The following SAMD12 variants were observed in gnomAD, a reference collection of about 807,000 sequenced individuals.
The protein encoded by SAMD12 is sterile alpha motif domain-containing protein 12.
A neutral mutation model predicts 15.0 loss-of-function variants in SAMD12; 9 were observed. The ratio of observed to expected loss-of-function variants is 0.60; its 90% CI spans 0.36 to 1.05. The LOEUF (loss-of-function observed/expected upper bound fraction) is 1.05. SAMD12 is among the 50% of genes least tolerant of loss of function. SAMD12 has a pLI of 0.01. For synonymous variants in SAMD12, 86 were observed against 90.1 expected, an observed-to-expected ratio of 0.96 and a Z score of 0.25; for missense variants, 230 against 234.2, an observed-to-expected ratio of 0.98 and a Z score of 0.12.
At chr8:118,168,856 T>C in the SAMD12 span, among the ~76,000 whole-genome samples, 2 of 152,138 alleles carry the variant, frequency 1.3e-5, no homozygotes, top group Admixed American at 6.6e-5. Context: ...GGTATGAAGA[T>C]GTATATATCC....
intron 1 of SAMD12, among the ~76,000 whole-genome samples, chr8:118,619,565 G>A (rs1260095505): frequency 6.6e-6 from 1 of 151,284 alleles, no homozygotes; most frequent in African/African-American, 2.4e-5. Context: ...AAAGCCCCAT[G>A]TACCCTTATA....
intron 1 of SAMD12, among the ~76,000 whole-genome samples, chr8:118,593,860 A>G (rs1416097369): frequency 2.6e-5 from 4 of 152,250 alleles, no homozygotes; most frequent in African/African-American, 9.6e-5. Context: ...AAAAAAATAA[A>G]CATAATGCCA....
the SAMD12 span, among the ~76,000 whole-genome samples, chr8:118,149,890 A>C: frequency 1.3e-5 from 2 of 152,086 alleles, no homozygotes; most frequent in African/African-American, 4.8e-5. Flanking sequence ...GACCATATAC[A>C]TACGGGTCTA....
intron 2 of SAMD12, among the ~76,000 whole-genome samples, chr8:118,459,560 C>A (rs1332326986): frequency 6.6e-6 from 1 of 152,124 alleles, no homozygotes; most frequent in African/African-American, 2.4e-5. Context: ...TCTTATAATT[C>A]AAATGATTTC....
intron 4 of SAMD12, among the ~76,000 whole-genome samples, chr8:118,303,337 C>T (rs187043800): frequency 1.8e-3 from 269 of 152,248 alleles, no homozygotes; most frequent in Non-Finnish European, 2.0e-3. Flanking sequence ...ATAAGCATTA[C>T]TGGAGGTTCT....
rs1423995720 is a variant in SAMD12, at chr8:118,191,780, A to C, written c.*5930T>G. 9.0e-3 allele frequency: 395 copies of C among 43,802 alleles called. 29 individuals are homozygous for C. Among genetic ancestry groups the C allele is most frequent in the African/African-American group, 0.034 (376 of 11,064 alleles). 2.7% of individuals were successfully genotyped at this position (43,802 alleles called of 1,614,324 possible). A position where few individuals can be genotyped will look rare whatever the true frequency, so the allele number is the denominator to read the frequency against. On this transcript the variant is annotated 3_prime_UTR_variant, in exon 5 of 5. Transcript: ENST00000409003. ...ATTATATATATATATATATATATAT[A>C]TATATATATATATATATATATATAT... is the stretch of plus-strand genomic sequence containing the variant.
chr8:118,565,983 A>T (rs976146742), intron 2 of SAMD12, among the ~76,000 whole-genome samples: 5 of 152,212 alleles, frequency 3.3e-5, no homozygotes, highest in Non-Finnish European at 7.3e-5. Context: ...GCTACAAAAA[A>T]ATCCCTTCCT....
intron 1 of SAMD12, among the ~76,000 whole-genome samples, chr8:118,607,681 G>C (rs1828017411): frequency 6.6e-6 from 1 of 152,148 alleles, no homozygotes; most frequent in African/African-American, 2.4e-5. Flanking sequence ...TACCTGAAAG[G>C]TTGATGTGAA....
chr8:118,138,608 G>C, the SAMD12 span, among the ~76,000 whole-genome samples: 1 of 152,226 alleles, frequency 6.6e-6, no homozygotes, highest in Non-Finnish European at 1.5e-5. Context: ...AATTTCTCTT[G>C]TTTGTAAGCC....
intron 4 of SAMD12, among the ~76,000 whole-genome samples, chr8:118,232,146 G>T (rs1732126328): frequency 6.6e-6 from 1 of 152,138 alleles, no homozygotes; most frequent in Non-Finnish European, 1.5e-5. Context: ...TCTACATGAG[G>T]AGGATAAGAC....
intron 4 of SAMD12, among the ~76,000 whole-genome samples, chr8:118,366,618 G>A (rs952428933): frequency 1.8e-4 from 27 of 151,794 alleles, no homozygotes; most frequent in Non-Finnish European, 2.5e-4. Flanking sequence ...TTCAAGACCA[G>A]CCTGACCAAC....
chr8:118,398,001 C>G (rs1820669892), intron 3 of SAMD12, among the ~76,000 whole-genome samples: 1 of 152,136 alleles, frequency 6.6e-6, no homozygotes, highest in African/African-American at 2.4e-5. Context: ...GTTGCCCAGG[C>G]TAATCTCAAA....
the SAMD12 span, among the ~76,000 whole-genome samples, chr8:118,177,941 T>C: frequency 6.6e-6 from 1 of 152,134 alleles, no homozygotes; most frequent in Admixed American, 6.5e-5. Flanking sequence ...CTAACCACAC[T>C]GCCATACACT....
chr8:118,366,534 T>C (rs1239431727), intron 4 of SAMD12, among the ~76,000 whole-genome samples: 1 of 152,118 alleles, frequency 6.6e-6, no homozygotes, highest in Non-Finnish European at 1.5e-5. Flanking sequence ...AAATGAGGGC[T>C]GGGCACGGTG....
intron 4 of SAMD12, among the ~76,000 whole-genome samples, chr8:118,282,892 ATATTT>A (rs1298245880): frequency 2.0e-5 from 3 of 152,082 alleles, no homozygotes; most frequent in African/African-American, 4.8e-5. Flanking sequence ...GTATTTATTT[ATATTT>A]TATTTTATTC....
At chr8:118,179,254 A>G in the SAMD12 span, among the ~76,000 whole-genome samples, 7 of 152,088 alleles carry the variant, frequency 4.6e-5, no homozygotes, top group African/African-American at 9.7e-5. Context: ...CCTGACCAAC[A>G]TGGAGAAATC....
chr8:118,157,802 C>T, the SAMD12 span, among the ~76,000 whole-genome samples: 1 of 152,210 alleles, frequency 6.6e-6, no homozygotes, highest in African/African-American at 2.4e-5. Flanking sequence ...ATAACAGAGA[C>T]TGAGTTTGCC....
chr8:118,611,626 A>G (rs1427930617), intron 1 of SAMD12, among the ~76,000 whole-genome samples: 1 of 152,016 alleles, frequency 6.6e-6, no homozygotes, highest in Non-Finnish European at 1.5e-5. Context: ...GTTAATAATC[A>G]TGTTTTTCCT....
At chr8:118,286,181 G>T (rs889048140) in intron 4 of SAMD12, among the ~76,000 whole-genome samples, 15 of 139,434 alleles carry the variant, frequency 1.1e-4, no homozygotes, top group Admixed American at 5.0e-4. Flanking sequence ...GTGAGGGGAG[G>T]GGGGAGGGAT....
Sources: allele counts gnomAD v4.1 joint callset (sites outside exome capture counted in the v4.1 genomes callset), GRCh38; gene constraint gnomAD v4.1.1; transcripts MANE v1.5; gene names NCBI Gene and HGNC (gene_info 2026-07-23, HGNC 2026-07-21).